The following DGKZ variants were observed in gnomAD, a reference collection of about 807,000 sequenced individuals.
The protein encoded by DGKZ is DAG kinase zeta.
A neutral mutation model predicts 142.5 loss-of-function variants in DGKZ; 45 were observed. That is an observed-to-expected ratio of 0.32 (90% CI 0.25 to 0.40). The LOEUF is 0.40. Ranked by LOEUF, DGKZ falls within the 10% of genes least tolerant of loss-of-function variation. The pLI, the probability that DGKZ is intolerant of heterozygous loss-of-function variation, is 1.00. For synonymous variants in DGKZ, 442 were observed against 527.0 expected (o/e 0.84, Z 2.21); for missense variants, 755 against 1,306.5 (o/e 0.58, Z 6.51).
intron 1 of DGKZ, chr11:46,361,789 C>T (rs995559537): frequency 5.3e-6 from 3 of 563,534 alleles, no homozygotes; most frequent in Non-Finnish European, 6.8e-6. Context: ...GGGTTGGATC[C>T]GGGCGGACCC....
intron 1 of DGKZ, among the ~76,000 whole-genome samples, chr11:46,333,873 G>A (rs898281174): frequency 1.3e-5 from 2 of 152,148 alleles, no homozygotes; most frequent in African/African-American, 4.8e-5. Flanking sequence ...CTTTCCCGTG[G>A]GCTGAGTCTG....
Position 46,366,446 on chromosome 11 carries a change from G to A in DGKZ, c.162-845G>A, listed in dbSNP as rs1439192939. The A allele has an allele frequency of 9.7e-6, 15 of 1,552,818 alleles. No homozygotes were observed. The highest frequency in any genetic ancestry group is 7.7e-5 in the Admixed American group (4 of 51,628). ...GCTCCAGGGCTGCCTCCTGAGTTGC[G>A]GGGTGAGGGCCCAGGGTTCCAGCCG... On this transcript the variant is annotated intron_variant, in intron 1 of 30. Coordinates refer to ENST00000527911, the Ensembl canonical transcript of DGKZ.
intron 1 of DGKZ, among the ~76,000 whole-genome samples, chr11:46,354,266 A>G (rs1941746108): frequency 6.6e-6 from 1 of 152,164 alleles, no homozygotes; most frequent in African/African-American, 2.4e-5. Context: ...AGCTCACTGT[A>G]ATTTCAAACC....
In DGKZ at chr11:46,369,176, A is replaced by AAAAAAC. The variant is rs1235976324; in HGVS notation, c.445-306_445-301dup. 97 of 401,008 alleles carry AAAAAAC rather than the reference A, an allele frequency of 2.4e-4. 1 individual carries two copies. In the East Asian group the frequency reaches 4.8e-3, roughly 20 times the overall value. 24.8% of individuals were successfully genotyped at this position (401,008 alleles called of 1,614,324 possible). A position where few individuals can be genotyped will look rare whatever the true frequency, so the allele number is the denominator to read the frequency against. On this transcript the variant is annotated intron_variant, in intron 4 of 30. Transcript: ENST00000527911. Reference sequence around the variant, plus strand: ...GGGCAACAGAGCGAGACTCTGTCTCAAAAAACAAAAACAAAAAAAAAACAA... The same window carrying AAAAAAC: ...GGGCAACAGAGCGAGACTCTGTCTCAAAAAACAAAAACAAAAACAAAAAAAAAACAA...
At chr11:46,369,514 G>T in exon 5 of DGKZ, 1 of 1,613,714 alleles carries the variant, frequency 6.2e-7, no homozygotes, top group East Asian at 2.2e-5. Flanking sequence ...GCTGTAAGCC[G>T]TCCTTCCGTG....
intron 25 of DGKZ, 29 bp downstream of exon 25, chr11:46,377,241 C>T: frequency 3.9e-6 from 6 of 1,548,928 alleles, no homozygotes; most frequent in Non-Finnish European, 5.2e-6. Flanking sequence ...TCCCTCCAGC[C>T]CCTGGCTTTC....
At chr11:46,336,981 A>C (rs2136375402) in intron 1 of DGKZ, among the ~76,000 whole-genome samples, 1 of 152,262 alleles carries the variant, frequency 6.6e-6, no homozygotes, top group East Asian at 1.9e-4. Flanking sequence ...CAATTGCGCC[A>C]CTGCACTCGA....
chr11:46,368,275 C>G, intron 4 of DGKZ, 196 bp downstream of exon 4: 3 of 676,366 alleles, frequency 4.4e-6, no homozygotes, highest in South Asian at 3.1e-5. Flanking sequence ...TGTATCCCCA[C>G]TGCCTGGAAC....
intron 1 of DGKZ, among the ~76,000 whole-genome samples, chr11:46,352,396 GGAAGTTACC>G (rs1302535503): frequency 1.3e-5 from 2 of 152,192 alleles, no homozygotes; most frequent in Non-Finnish European, 2.9e-5. Context: ...GGCACTCGCT[GGAAGTTACC>G]TGCAGCTCTA....
Position 46,372,748 on chromosome 11 carries a change from T to G in DGKZ, c.1072-23T>G, listed in dbSNP as rs1414530876. ...AGCCGGGGTCCCTGTGGGCCTGATT[T>G]GCCTCTGTTCTTCCTCCCCCAGGTG... On this transcript the variant is annotated intron_variant, in intron 12 of 30. Transcript: ENST00000527911. This position sits in a 1 kb window ranked among gnomAD's most constrained non-coding sequence, Gnocchi z 5.9. 1 of 1,609,458 alleles carries G rather than the reference T, an allele frequency of 6.2e-7. No individual in the cohort carries two copies. The highest frequency in any genetic ancestry group is 1.3e-5 in the African/African-American group (1 of 74,852).
rs557906957 is a variant in DGKZ, at chr11:46,336,253, C to T, written c.212+2766C>T. On this transcript the variant is annotated intron_variant, in intron 1 of 30. Transcript: ENST00000343674. ...CAGTGCCAGCATGGGCTGGAAGCAA[C>T]CCTGGCAGCTTCTTTAGGTGGATGG... Among the ~76,000 whole-genome samples, 13 of 152,222 alleles carry T rather than the reference C, an allele frequency of 8.5e-5. No homozygotes were observed. In the South Asian group the frequency reaches 2.7e-3, roughly 32 times the overall value.
chr11:46,369,750 C>T, intron 5 of DGKZ, 191 bp from the exon 6 acceptor site: 3 of 892,364 alleles, frequency 3.4e-6, no homozygotes, highest in South Asian at 1.6e-5. Flanking sequence ...CCTGGTGCTT[C>T]CCAGCCTTCT....
chr11:46,378,688 G>A (rs1944849058), intron 27 of DGKZ, 188 bp downstream of exon 27: 2 of 904,258 alleles, frequency 2.2e-6, no homozygotes, highest in Non-Finnish European at 3.5e-6. Flanking sequence ...ACAATAGATG[G>A]CTCCTAGTAG....
At position 46,376,153 on chromosome 11, in the gene DGKZ, G is replaced by A; in HGVS notation, c.2091+8G>A. 1 of 1,611,036 alleles carries A rather than the reference G, an allele frequency of 6.2e-7. No individual in the cohort carries two copies. Among genetic ancestry groups the A allele is most frequent in the Non-Finnish European group, 8.5e-7 (1 of 1,179,924 alleles). ...ATTGAGAGACTCCAGCAGGTAAGGG[G>A]TGGGGGCTTCCCCAGGTGCCCACCG... On this transcript the variant is annotated splice_region_variant and intron_variant, in intron 22 of 30. Coordinates refer to ENST00000527911, the Ensembl canonical transcript of DGKZ.
intron 1 of DGKZ, among the ~76,000 whole-genome samples, chr11:46,352,814 C>G (rs1402343041): frequency 6.6e-6 from 1 of 152,250 alleles, no homozygotes; most frequent in Non-Finnish European, 1.5e-5. Flanking sequence ...TGGCTCTCCT[C>G]TGTTCCGTGT....
At chr11:46,374,284 C>T (rs1411275612) in intron 15 of DGKZ, 49 bp downstream of exon 15, 1 of 1,612,558 alleles carries the variant, frequency 6.2e-7, no homozygotes, top group Non-Finnish European at 8.5e-7. Context: ...CAGGAGTGTC[C>T]CCGGGAGGGT....
intron 1 of DGKZ, among the ~76,000 whole-genome samples, chr11:46,354,311 C>A (rs7127088): frequency 1.3e-5 from 2 of 152,098 alleles, no homozygotes; most frequent in African/African-American, 4.8e-5. Context: ...CTCAGCCTCC[C>A]GAGTAGCTAG....
chr11:46,375,860 G>A lies in DGKZ; in HGVS notation c.1920G>A (p.Pro640=), dbSNP rs376231459. The A allele has an allele frequency of 4.0e-5, 63 of 1,562,416 alleles. No homozygotes were observed. Among genetic ancestry groups the A allele is most frequent in the South Asian group, 1.9e-4 (16 of 85,532 alleles). Residue 640 remains proline, a synonymous_variant, in exon 21 of 31, where the codon CCG becomes CCA. Coordinates refer to ENST00000527911, the Ensembl canonical transcript of DGKZ. The stretch of plus-strand genomic sequence containing the variant: ...CGGCCCTGCCCGACAGCCAGCAGCC[G>A]GTGCCAGAGCAGTTGCGCATCCAGG...
upstream of DGKZ, chr11:46,345,449 T>C (rs1165791566): frequency 2.0e-6 from 3 of 1,472,452 alleles, no homozygotes; most frequent in Non-Finnish European, 2.7e-6. This position sits in a 1 kb window ranked among gnomAD's most constrained non-coding sequence, Gnocchi z 4.1. Flanking sequence ...CGGGGGAAGC[T>C]GCAATGAATC....
Sources: allele counts gnomAD v4.1 joint callset (sites outside exome capture counted in the v4.1 genomes callset), GRCh38; gene constraint gnomAD v4.1.1; non-coding constraint Gnocchi (gnomAD v3.1); transcripts MANE v1.5; gene names NCBI Gene and HGNC (gene_info 2026-07-23, HGNC 2026-07-21).